The following SUSD1 variants were observed in gnomAD, a reference collection of about 807,000 sequenced individuals.
The protein encoded by SUSD1 is sushi domain-containing protein 1.
A neutral mutation model predicts 86.9 loss-of-function variants in SUSD1; 65 were observed. The ratio of observed to expected loss-of-function variants is 0.75; its 90% CI spans 0.61 to 0.92. SUSD1 has a LOEUF of 0.92. Ranked by LOEUF, SUSD1 falls within the 40% of genes least tolerant of loss-of-function variation. The pLI is 0.00. For missense variants in SUSD1, 850 were observed against 929.7 expected, an observed-to-expected ratio of 0.91 and a Z score of 1.11; for synonymous variants, 346 against 350.0, an observed-to-expected ratio of 0.99 and a Z score of 0.13.
At chr9:112,099,331 G>A (rs969190245) in intron 9 of SUSD1, among the ~76,000 whole-genome samples, 3 of 152,086 alleles carry the variant, frequency 2.0e-5, no homozygotes, top group Non-Finnish European at 4.4e-5. Context: ...GTGAGCCATT[G>A]CACCCAACCA....
At chr9:112,049,442 T>C (rs911442907) in intron 15 of SUSD1, among the ~76,000 whole-genome samples, 1 of 152,194 alleles carries the variant, frequency 6.6e-6, no homozygotes, top group Non-Finnish European at 1.5e-5. Context: ...TCAAAGACAC[T>C]TGGCTGATTA....
intron 5 of SUSD1, 137 bp from the exon 6 acceptor site, chr9:112,124,573 T>C (rs369481376): frequency 1.3e-6 from 1 of 760,456 alleles, no homozygotes; most frequent in East Asian, 2.9e-5. Context: ...CATCAAATAA[T>C]CCAATATAAG....
chr9:112,049,948 A>C (rs1009611458), intron 15 of SUSD1, among the ~76,000 whole-genome samples: 5 of 152,204 alleles, frequency 3.3e-5, no homozygotes, highest in African/African-American at 1.2e-4. Context: ...CTGTTAATTT[A>C]ATCATAGCAG....
At chr9:112,127,184 C>G (rs2131697718) in intron 5 of SUSD1, among the ~76,000 whole-genome samples, 1 of 152,234 alleles carries the variant, frequency 6.6e-6, no homozygotes, top group Non-Finnish European at 1.5e-5. Flanking sequence ...CCAGCCTGGC[C>G]AACATGGCAA....
intron 15 of SUSD1, among the ~76,000 whole-genome samples, chr9:112,050,470 C>A (rs1828141810): frequency 6.6e-6 from 1 of 152,164 alleles, no homozygotes. Context: ...CCAGATATTT[C>A]CTGCACAGTA....
intron 14 of SUSD1, among the ~76,000 whole-genome samples, chr9:112,057,135 C>T (rs1414425082): frequency 5.9e-5 from 9 of 152,150 alleles, no homozygotes. Flanking sequence ...CTCCCCTCCC[C>T]ACTCCATCCC....
chr9:112,058,957 C>T (rs965952438), intron 13 of SUSD1, among the ~76,000 whole-genome samples: 9 of 152,154 alleles, frequency 5.9e-5, no homozygotes, highest in African/African-American at 2.2e-4. Flanking sequence ...CCACGCCCAA[C>T]TAACTTTTGT....
Position 112,124,278 on chromosome 9 carries a change from C to G in SUSD1, c.865G>C (p.Glu289Gln), listed in dbSNP as rs1203254117. The change falls in exon 6 of 17, where the codon GAA becomes CAA. Residue 289 changes from glutamate (E) to glutamine (Q), a missense_variant. Coordinates refer to ENST00000374270, the MANE Select transcript of SUSD1 (RefSeq NM_022486.5). ...GTACCTGTGCATGTTAAAGTACTTT[C>G]TCTCCAGGTGCCTTTCTCTGTGCAA... is the stretch of plus-strand genomic sequence containing the variant. ...SVCTEKGTWR[E>Q]STLTCTEILT... is the part of the protein sequence containing the mutation. 1.9e-6 allele frequency: 3 copies of G among 1,613,514 alleles called. No individual in the cohort carries two copies. The African/African-American group carries it at 4.0e-5, about 22-fold the overall frequency.
chr9:112,147,305 G>A (rs1171429980), intron 3 of SUSD1, among the ~76,000 whole-genome samples: 3 of 152,136 alleles, frequency 2.0e-5, no homozygotes, highest in Non-Finnish European at 2.9e-5. Flanking sequence ...TCAGGACTTC[G>A]AGACAAGCCT....
intron 5 of SUSD1, among the ~76,000 whole-genome samples, chr9:112,138,607 C>A (rs988891205): frequency 6.6e-6 from 1 of 151,744 alleles, no homozygotes; most frequent in Non-Finnish European, 1.5e-5. Flanking sequence ...CGCCACCACG[C>A]CCAGGTAATT....
intron 5 of SUSD1, among the ~76,000 whole-genome samples, chr9:112,141,513 C>T (rs1050104814): frequency 5.9e-5 from 9 of 151,834 alleles, no homozygotes; most frequent in African/African-American, 2.2e-4. Flanking sequence ...CCCATCTTTA[C>T]TAAAAACACA....
At chr9:112,139,217 CT>C (rs1466940947) in intron 5 of SUSD1, among the ~76,000 whole-genome samples, 1 of 151,944 alleles carries the variant, frequency 6.6e-6, no homozygotes, top group East Asian at 1.9e-4. Context: ...TTTTTACATT[CT>C]TTTTTTTAAA....
rs771325467 is a variant in SUSD1 at position 112,063,051 on chromosome 9, A to G, written c.1754-18T>C. On this transcript the variant is annotated intron_variant, in intron 12 of 16. Coordinates refer to ENST00000374270, the MANE Select transcript of SUSD1 (RefSeq NM_022486.5). ...GGGAGGCTCTGAAAACATGTTGAAA[A>G]GAAGAAAAGGGGTATGATTGGAACA... 2 of 1,513,222 alleles carry G rather than the reference A, an allele frequency of 1.3e-6. No individual in the cohort carries two copies. Among genetic ancestry groups the G allele is most frequent in the Non-Finnish European group, 1.8e-6 (2 of 1,088,354 alleles). The allele number at this position is 1,513,222 out of a possible 1,614,324, so 93.7% of individuals were successfully genotyped here.
At chr9:112,101,269 C>T (rs531288786) in intron 9 of SUSD1, among the ~76,000 whole-genome samples, 36 of 151,668 alleles carry the variant, frequency 2.4e-4, no homozygotes, top group Admixed American at 5.3e-4. Flanking sequence ...GGCTGAGGCA[C>T]GAGAGTCGCT....
chr9:112,121,747 T>C (rs1395109333), intron 6 of SUSD1, among the ~76,000 whole-genome samples: 1 of 152,220 alleles, frequency 6.6e-6, no homozygotes, highest in Non-Finnish European at 1.5e-5. Flanking sequence ...TTCAGAGACC[T>C]GTCTTCAGAG....
intron 8 of SUSD1, among the ~76,000 whole-genome samples, chr9:112,104,051 C>CTT (rs575404763): frequency 0.12 from 17,673 of 151,588 alleles, 1,334 homozygotes; most frequent in Admixed American, 0.2. Flanking sequence ...TCTTCTCTCT[C>CTT]TTTTTTTAAA....
At chr9:112,125,174 C>T (rs1831718520) in intron 5 of SUSD1, among the ~76,000 whole-genome samples, 1 of 151,898 alleles carries the variant, frequency 6.6e-6, no homozygotes, top group Admixed American at 6.6e-5. Context: ...GAACAAATAT[C>T]GTAAGAATAA....
intron 8 of SUSD1, among the ~76,000 whole-genome samples, chr9:112,102,850 G>T (rs1400474337): frequency 1.3e-5 from 2 of 152,132 alleles, no homozygotes; most frequent in East Asian, 3.9e-4. Flanking sequence ...TGAGTACTAA[G>T]GCAATAAAAT....
At chr9:112,138,476 T>TTTTTTTTTTTCTTTTTTTTTTTCCCA (rs1832413072) in intron 5 of SUSD1, among the ~76,000 whole-genome samples, 1 of 150,648 alleles carries the variant, frequency 6.6e-6, no homozygotes, top group Non-Finnish European at 1.5e-5. Context: ...TTTTTTTTTT[T>TTTTTTTTTTTCTTTTTTTTTTTCCCA]GAGACGGAGT....
Sources: allele counts gnomAD v4.1 joint callset (sites outside exome capture counted in the v4.1 genomes callset), GRCh38; gene constraint gnomAD v4.1.1; transcripts MANE v1.5; gene names NCBI Gene and HGNC (gene_info 2026-07-23, HGNC 2026-07-21).